Variants in FARS2 observed in about 807,000 individuals in gnomAD.
FARS2 encodes the protein phenylalanyl-tRNA synthetase 2, mitochondrial.
In FARS2, 40 loss-of-function variants were observed where a neutral mutation model predicts 46.4. That is an observed-to-expected ratio of 0.86 (90% confidence interval 0.67 to 1.12). The LOEUF is 1.12. Among genes scored for constraint, FARS2 ranks in the 50% most tolerant of loss-of-function variants. The pLI is 0.00. For synonymous variants in FARS2, 234 were observed against 214.9 expected, an observed-to-expected ratio of 1.09 and a Z score of -0.78; for missense variants, 513 against 567.9, an observed-to-expected ratio of 0.90 and a Z score of 0.98.
chr6:5,636,319 T>C (rs1776544110), intron 6 of FARS2, among the ~76,000 whole-genome samples: 1 of 152,196 alleles, frequency 6.6e-6, no homozygotes. Flanking sequence ...CCTGACAGTG[T>C]ACGGTCGCTG....
intron 1 of FARS2, among the ~76,000 whole-genome samples, chr6:5,282,496 A>G (rs1335545327): frequency 6.6e-6 from 1 of 152,198 alleles, no homozygotes; most frequent in African/African-American, 2.4e-5. Context: ...GGAGACAATC[A>G]TGACATGGGC....
chr6:5,456,377 CCCA>C (rs1764863688), intron 4 of FARS2, among the ~76,000 whole-genome samples: 1 of 152,102 alleles, frequency 6.6e-6, no homozygotes, highest in African/African-American at 2.4e-5. Context: ...ACTATTTAGT[CCCA>C]ATTTATGAAA....
rs1368396783 is a variant in FARS2 at position 5,404,661 on chromosome 6, G to A, written c.732G>A (p.Lys244=). ...EAVKLVEFDL[K]QTLTRLMAHL... ...TGAAGCTTGTAGAGTTTGATCTTAA[G>A]CAAACGCTTACCAGGCTCATGGCAC... is the stretch of plus-strand genomic sequence containing the variant. Residue 244 remains lysine, a synonymous_variant, in exon 3 of 7, where the codon AAG becomes AAA. Coordinates refer to ENST00000274680, the MANE Select transcript of FARS2 (RefSeq NM_006567.5). 3 of 1,608,440 alleles carry A rather than the reference G, an allele frequency of 1.9e-6. No homozygotes were observed. The highest frequency in any genetic ancestry group is 2.5e-6 in the Non-Finnish European group (3 of 1,176,988).
intron 4 of FARS2, among the ~76,000 whole-genome samples, chr6:5,478,732 A>C (rs1582222100): frequency 6.6e-6 from 1 of 151,984 alleles, no homozygotes. Context: ...GCTTCCCCCA[A>C]ATTAGTGCTC....
intron 6 of FARS2, among the ~76,000 whole-genome samples, chr6:5,691,949 C>G (rs1757759055): frequency 6.6e-6 from 1 of 152,194 alleles, no homozygotes. Flanking sequence ...GCTGTGCTAG[C>G]AATGAGCGAG....
chr6:5,368,874 G>A lies in FARS2; in HGVS notation c.304G>A (p.Val102Met), dbSNP rs1276449701. Residue 102 changes from valine (V) to methionine (M), a missense_variant, in exon 2 of 7, where the codon GTG (valine) becomes ATG (methionine). Val to Met is a conservative substitution (Grantham distance 21). Transcript: ENST00000274680. ...RVKEHFYKQY[V>M]GRFGTPLFSV... ...GAAGGAGCACTTCTACAAGCAGTAT[G>A]TGGGCCGCTTTGGGACCCCGTTGTT... 4 of 1,614,066 alleles carry A rather than the reference G, an allele frequency of 2.5e-6. No individual in the cohort carries two copies. The highest frequency in any genetic ancestry group is 3.4e-6 in the Non-Finnish European group (4 of 1,180,032).
chr6:5,565,221 T>G (rs1354751633), intron 5 of FARS2, among the ~76,000 whole-genome samples: 3 of 152,202 alleles, frequency 2.0e-5, no homozygotes, highest in Non-Finnish European at 4.4e-5. Context: ...TAACTTTCCT[T>G]GATGCTGAAA....
At chr6:5,721,517 T>TCATA (rs1759907780) in intron 6 of FARS2, among the ~76,000 whole-genome samples, 1 of 68,660 alleles carries the variant, frequency 1.5e-5, no homozygotes, top group Non-Finnish European at 3.6e-5. Flanking sequence ...TTTGAATGGA[T>TCATA]CATTCACTCT....
intron 5 of FARS2, among the ~76,000 whole-genome samples, chr6:5,591,373 G>T (rs147654868): frequency 1.3e-5 from 2 of 152,300 alleles, no homozygotes; most frequent in Admixed American, 6.5e-5. Flanking sequence ...GAAATCTTAC[G>T]TCCCCTCCGC....
chr6:5,485,597 A>G (rs983480706), intron 4 of FARS2, among the ~76,000 whole-genome samples: 47 of 152,314 alleles, frequency 3.1e-4, no homozygotes, highest in African/African-American at 9.9e-4. Context: ...AGAGCCTGAT[A>G]GTAAATACTT....
chr6:5,288,831 C>G (rs1767310180), intron 1 of FARS2, among the ~76,000 whole-genome samples: 1 of 152,196 alleles, frequency 6.6e-6, no homozygotes, highest in African/African-American at 2.4e-5. Flanking sequence ...TTTGCCATCA[C>G]TTCATTGATT....
At chr6:5,698,472 A>C (rs959837566) in intron 6 of FARS2, among the ~76,000 whole-genome samples, 1 of 152,200 alleles carries the variant, frequency 6.6e-6, no homozygotes, top group African/African-American at 2.4e-5. Flanking sequence ...ACTCAGCATG[A>C]GATTTGGGCA....
chr6:5,493,614 C>T (rs79355406), intron 4 of FARS2, among the ~76,000 whole-genome samples: 5,417 of 152,212 alleles, frequency 0.036, 143 homozygotes, highest in South Asian at 0.13. Context: ...ACTAGCTCTG[C>T]GACATTGGAC....
At chr6:5,407,746 A>G (rs543594665) in intron 3 of FARS2, among the ~76,000 whole-genome samples, 11 of 152,314 alleles carry the variant, frequency 7.2e-5, no homozygotes, top group African/African-American at 2.4e-4. Context: ...TAATAGTGAA[A>G]TAGGTTTCAA....
chr6:5,383,423 A>G (rs1759913551), intron 2 of FARS2, among the ~76,000 whole-genome samples: 1 of 152,196 alleles, frequency 6.6e-6, no homozygotes, highest in African/African-American at 2.4e-5. Flanking sequence ...AGTGCTTGTT[A>G]TTCTCCAGAA....
chr6:5,630,229 C>T lies in FARS2; in HGVS notation c.1217+16909C>T, dbSNP rs1414672816. On this transcript the variant is annotated intron_variant, in intron 6 of 6. Coordinates refer to ENST00000274680, the MANE Select transcript of FARS2 (RefSeq NM_006567.5). This position sits in a 1 kb window ranked among gnomAD's most constrained non-coding sequence, Gnocchi z 4.2. Reference sequence around the variant, plus strand: ...GAGTGAGGAACTAAGAAGGGAGACCCAAGAGATGGAAGTCAAAGAGCAGAG... The same window carrying T: ...GAGTGAGGAACTAAGAAGGGAGACCTAAGAGATGGAAGTCAAAGAGCAGAG... 6.6e-6 allele frequency among the ~76,000 whole-genome samples: 1 copy of T among 151,924 alleles called. No homozygotes were observed. The highest frequency in any genetic ancestry group is 1.5e-5 in the Non-Finnish European group (1 of 67,980).
At chr6:5,769,819 G>A (rs367801220) in intron 6 of FARS2, among the ~76,000 whole-genome samples, 11 of 152,158 alleles carry the variant, frequency 7.2e-5, no homozygotes, top group South Asian at 2.1e-4. Flanking sequence ...TGATCCAAAC[G>A]GGGGCTGCAT....
At chr6:5,554,843 G>A (rs2150522810) in intron 5 of FARS2, among the ~76,000 whole-genome samples, 1 of 151,728 alleles carries the variant, frequency 6.6e-6, no homozygotes, top group South Asian at 2.1e-4. Flanking sequence ...TATTGAACTA[G>A]TAAGCTGTTA....
chr6:5,552,094 C>T (rs1167048528), intron 5 of FARS2, among the ~76,000 whole-genome samples: 1 of 152,102 alleles, frequency 6.6e-6, no homozygotes, highest in Non-Finnish European at 1.5e-5. Flanking sequence ...TGACAGATTG[C>T]TTGCCTTCAG....
Sources: gnomAD v4.1 joint callset for allele counts (sites outside exome capture counted in the v4.1 genomes callset) on GRCh38, gnomAD v4.1.1 for gene constraint, Gnocchi (gnomAD v3.1) non-coding constraint, MANE v1.5 for transcripts, NCBI Gene and HGNC (gene_info 2026-07-23, HGNC 2026-07-21) for gene names.